Variants in TXNDC16 observed in about 807,000 individuals in gnomAD.
The protein encoded by TXNDC16 is thioredoxin domain containing 16.
Under a neutral mutation model 85.6 loss-of-function variants are expected in TXNDC16, and 74 were observed. The ratio of observed to expected loss-of-function variants is 0.86; its 90% CI spans 0.72 to 1.05. The LOEUF (loss-of-function observed/expected upper bound fraction) is 1.05. Ranked by LOEUF, TXNDC16 falls within the 50% of genes least tolerant of loss-of-function variation. The pLI is 0.00. For missense variants in TXNDC16, 959 were observed against 947.0 expected (o/e 1.01, Z -0.17); for synonymous variants, 335 against 326.5 (o/e 1.03, Z -0.28).
At chr14:52,541,920 A>T (rs1177842102) in intron 4 of TXNDC16, among the ~76,000 whole-genome samples, 1 of 152,248 alleles carries the variant, frequency 6.6e-6, no homozygotes, top group African/African-American at 2.4e-5. Flanking sequence ...AATGCGAAAA[A>T]GTGAAACATA....
At chr14:52,434,270 T>C (rs1484702625) in intron 20 of TXNDC16, among the ~76,000 whole-genome samples, 2 of 152,222 alleles carry the variant, frequency 1.3e-5, no homozygotes, top group Non-Finnish European at 1.5e-5. Flanking sequence ...AGGTCAACAC[T>C]GCGGCCTAGC....
rs747827945 is a variant in TXNDC16 at position 52,538,665 on chromosome 14, G to A, written c.244-993C>T. Among the ~76,000 whole-genome samples, 10 of 152,194 alleles carry A rather than the reference G, an allele frequency of 6.6e-5. 1 individual carries two copies. Among genetic ancestry groups the A allele is most frequent in the East Asian group, 5.8e-4 (3 of 5,190 alleles). ...GGAAAGAGAAAAAAAGAATGAAGGGGTTTCTAGATGGGGCAAATGGAGAGC... is the reference window on the plus strand; with the variant it reads ...GGAAAGAGAAAAAAAGAATGAAGGGATTTCTAGATGGGGCAAATGGAGAGC... On this transcript the variant is annotated intron_variant, in intron 4 of 20. Transcript: ENST00000281741.
At chr14:52,479,670 G>T (rs2140141479) in intron 14 of TXNDC16, among the ~76,000 whole-genome samples, 1 of 152,226 alleles carries the variant, frequency 6.6e-6, no homozygotes, top group African/African-American at 2.4e-5. Context: ...AGAAATCGTG[G>T]ATGACACAAA....
At chr14:52,516,603 T>C (rs929517616) in intron 7 of TXNDC16, among the ~76,000 whole-genome samples, 7 of 152,202 alleles carry the variant, frequency 4.6e-5, no homozygotes, top group Middle Eastern at 3.2e-3. Context: ...TGGGACTCAA[T>C]GGGTCCTTTC....
intron 9 of TXNDC16, 70 bp from the exon 10 acceptor site, chr14:52,491,075 A>C: frequency 6.8e-7 from 1 of 1,476,340 alleles, no homozygotes; most frequent in Non-Finnish European, 9.0e-7. Context: ...AATTCTCCTA[A>C]TTCTTATTAA....
intron 20 of TXNDC16, among the ~76,000 whole-genome samples, chr14:52,434,652 T>G (rs764052962): frequency 7.2e-5 from 11 of 152,196 alleles, no homozygotes; most frequent in Non-Finnish European, 1.3e-4. Flanking sequence ...TGGCACCATG[T>G]TACTGAGTTA....
intron 2 of TXNDC16, among the ~76,000 whole-genome samples, chr14:52,543,975 A>C (rs2037889352): frequency 6.6e-6 from 1 of 152,152 alleles, no homozygotes; most frequent in Non-Finnish European, 1.5e-5. Flanking sequence ...ATAGTTGATT[A>C]TAAGAAATAA....
At chr14:52,446,022 T>C (rs2035275456) in intron 18 of TXNDC16, among the ~76,000 whole-genome samples, 1 of 152,206 alleles carries the variant, frequency 6.6e-6, no homozygotes, top group African/African-American at 2.4e-5. Context: ...TAGAGTACTC[T>C]ACCAGTCATC....
intron 12 of TXNDC16, 36 bp from the exon 13 acceptor site, chr14:52,483,001 A>T: frequency 6.5e-7 from 1 of 1,535,216 alleles, no homozygotes; most frequent in Non-Finnish European, 8.8e-7. Context: ...TTAAATATTG[A>T]TGTATAATGA....
In TXNDC16 at chr14:52,444,229, G is replaced by T. The variant is rs182233030; in HGVS notation, c.1843-3505C>A. 3.3e-5 allele frequency among the ~76,000 whole-genome samples: 5 copies of T among 152,268 alleles called. No homozygotes were observed. The East Asian group carries it at 9.6e-4, about 29-fold the overall frequency. On this transcript the variant is annotated intron_variant, in intron 18 of 20. Coordinates refer to ENST00000281741, the MANE Select transcript of TXNDC16 (RefSeq NM_020784.3). ...TCTGAGTATATAACAGACTATAACTGTGTGGGTCCTGGTGTTCTAAACTTG... is the reference window on the plus strand; with the variant it reads ...TCTGAGTATATAACAGACTATAACTTTGTGGGTCCTGGTGTTCTAAACTTG...
At position 52,490,866 on chromosome 14, in the gene TXNDC16, C is replaced by A; in HGVS notation, c.896G>T (p.Gly299Val). ...TAACAAGAGTAGAACTCCTGCTTTT[C>A]CCAGAAGACGCCAAGCAACCCATTC... is the stretch of plus-strand genomic sequence containing the variant. The part of the protein sequence containing the change: ...TAEWVAWRLL[G>V]KAGVLLLLRD... The change falls in exon 10 of 21, where the codon GGA becomes GTA. Residue 299 changes from glycine (G) to valine (V), a missense_variant. Coordinates refer to ENST00000281741, the MANE Select transcript of TXNDC16 (RefSeq NM_020784.3). 6.2e-7 allele frequency: 1 copy of A among 1,611,966 alleles called. No individual in the cohort carries two copies. The highest frequency in any genetic ancestry group is 8.5e-7 in the Non-Finnish European group (1 of 1,179,486).
chr14:52,455,533 G>T, intron 17 of TXNDC16, 71 bp from the exon 18 acceptor site: 1 of 1,578,736 alleles, frequency 6.3e-7, no homozygotes, highest in East Asian at 2.2e-5. Flanking sequence ...ATCTAGGCTA[G>T]GAGGTCACAG....
chr14:52,476,687 T>C (rs2036027389), intron 14 of TXNDC16, among the ~76,000 whole-genome samples: 1 of 152,166 alleles, frequency 6.6e-6, no homozygotes, highest in Admixed American at 6.5e-5. Context: ...TTTGGGATTA[T>C]GTTAAACAAC....
chr14:52,530,457 AAT>A lies in TXNDC16; in HGVS notation c.392+6260_392+6261del, dbSNP rs1332726530. Among the ~76,000 whole-genome samples, 54 of 7,254 alleles carry A rather than the reference AAT, an allele frequency of 7.4e-3. 4 individuals carry two copies. Among genetic ancestry groups the A allele is most frequent in the African/African-American group, 0.046 (48 of 1,038 alleles). 4.8% of individuals were successfully genotyped at this position (7,254 alleles called of 152,430 possible). On this transcript the variant is annotated intron_variant, in intron 6 of 20. Coordinates refer to ENST00000281741, the MANE Select transcript of TXNDC16 (RefSeq NM_020784.3). ...AATATATAATATATTATTATATAAT[AAT>A]ATATATTATATATTATTATATATAA...
At chr14:52,490,767 A>G in intron 10 of TXNDC16, 72 bp downstream of exon 10, 1 of 1,507,922 alleles carries the variant, frequency 6.6e-7, no homozygotes, top group Non-Finnish European at 9.0e-7. Flanking sequence ...AAGTGATTAA[A>G]TTACCATATT....
intron 9 of TXNDC16, among the ~76,000 whole-genome samples, chr14:52,500,620 GA>G (rs550636524): frequency 1.4e-4 from 21 of 152,108 alleles, no homozygotes; most frequent in Admixed American, 1.1e-3. Flanking sequence ...TACAACAATG[GA>G]AAAAAAGTCT....
intron 1 of TXNDC16, among the ~76,000 whole-genome samples, chr14:52,550,263 C>T (rs1288394390): frequency 1.3e-5 from 2 of 152,160 alleles, no homozygotes; most frequent in African/African-American, 4.8e-5. Flanking sequence ...GTATATAACG[C>T]TTACAAAGTT....
In TXNDC16 at chr14:52,470,184, ATATAAC is replaced by A. The variant is rs770880875; in HGVS notation, c.1482-17_1482-12del. ...TATGAAATCCTGTTGCTGGATAAAC[ATATAAC>A]TATATTACAAATTAATTTTTTAAGA... On this transcript the variant is annotated splice_polypyrimidine_tract_variant and intron_variant, in intron 15 of 20. Transcript: ENST00000281741. The A allele has an allele frequency of 5.1e-6, 8 of 1,567,176 alleles. No individual in the cohort carries two copies. Among genetic ancestry groups the A allele is most frequent in the South Asian group, 1.2e-5 (1 of 83,636 alleles).
chr14:52,514,899 C>A lies in TXNDC16; in HGVS notation c.586G>T (p.Ala196Ser). 6.2e-7 allele frequency: 1 copy of A among 1,611,504 alleles called. No homozygotes were observed. Among genetic ancestry groups the A allele is most frequent in the Non-Finnish European group, 8.5e-7 (1 of 1,178,530 alleles). The part of the protein sequence containing the change: ...TYQFVLTTEI[A>S]LLESIGSEDV... ...ACATACCCAATACTTTCCAAAAGGG[C>A]AATTTCTGTGGTTAAGACAAATTGG... The change falls in exon 8 of 21, where the codon GCC becomes TCC. Residue 196 changes from alanine (A) to serine (S), a missense_variant. Transcript: ENST00000281741.
Sources: allele counts gnomAD v4.1 joint callset (sites outside exome capture counted in the v4.1 genomes callset), GRCh38; gene constraint gnomAD v4.1.1; transcripts MANE v1.5; gene names NCBI Gene and HGNC (gene_info 2026-07-23, HGNC 2026-07-21).